The following SCAP variants were observed in gnomAD, a reference collection of about 807,000 sequenced individuals.
SCAP encodes SREBF chaperone.
In SCAP, 65 loss-of-function variants were observed where a neutral mutation model predicts 123.6. That is an observed-to-expected ratio of 0.53 (90% confidence interval 0.43 to 0.65). SCAP has a LOEUF of 0.65. Ranked by LOEUF, SCAP falls within the 30% of genes least tolerant of loss-of-function variation. The probability of loss-of-function intolerance (pLI) is 0.00; values close to 1 mark genes in which losing one functional copy is unlikely to be tolerated. For synonymous variants in SCAP, 740 were observed against 726.3 expected (o/e 1.02, Z -0.30); for missense variants, 1,398 against 1,712.5 (o/e 0.82, Z 3.24).
intron 8 of SCAP, 126 bp from the exon 9 acceptor site, chr3:47,424,171 G>C: frequency 2.9e-6 from 2 of 679,726 alleles, no homozygotes; most frequent in African/African-American, 1.8e-5. Flanking sequence ...ACAGGTGCTG[G>C]GCAGAAACCC....
In SCAP at chr3:47,414,871, C is replaced by G. The variant is rs372311997; in HGVS notation, c.3262G>C (p.Ala1088Pro). The G allele has an allele frequency of 6.2e-7, 1 of 1,611,940 alleles. No individual in the cohort carries two copies. Among genetic ancestry groups the G allele is most frequent in the Admixed American group, 1.7e-5 (1 of 59,894 alleles). ...HQKPITALKA[A>P]AGRLVTGSQD... ...CTCCCAGTCACCAAGCGCCCAGCAG[C>G]GGCTTTCAGGGCTGTGATGGGTTTT... Residue 1088 changes from alanine (A) to proline (P), a missense_variant, in exon 20 of 23, where the codon GCT becomes CCT. By Grantham distance (27) the Ala-to-Pro change is conservative. Transcript: ENST00000265565.
chr3:47,469,437 C>T (rs1576320304), intron 1 of SCAP, among the ~76,000 whole-genome samples: 2 of 152,216 alleles, frequency 1.3e-5, no homozygotes, highest in Non-Finnish European at 2.9e-5. Context: ...TCCTGGCTCA[C>T]TGCAACCTTT....
intron 9 of SCAP, 88 bp from the exon 10 acceptor site, chr3:47,422,624 G>A: frequency 9.1e-7 from 1 of 1,097,480 alleles, no homozygotes; most frequent in Non-Finnish European, 1.3e-6. Context: ...GAGTGGCAGA[G>A]GCATGGCAAG....
rs1410173752 is a variant in SCAP at position 47,418,398 on chromosome 3, C to A, written c.2254G>T (p.Glu752Ter). Residue 752 changes from glutamate (E) to a stop codon, truncating the protein, a stop_gained, in exon 15 of 23, where the codon GAG becomes TAG. Transcript: ENST00000265565. LOFTEE classifies it high-confidence loss of function. ...GGGPGRRRRG[E>*]LPCDDYGYAP... ...TAGCCGTAGTCGTCGCAGGGCAGCTCCCCGCGCCTCCGCCGCCCGGGCCCA... is the reference window on the plus strand; with the variant it reads ...TAGCCGTAGTCGTCGCAGGGCAGCTACCCGCGCCTCCGCCGCCCGGGCCCA... 4 of 1,574,676 alleles carry A rather than the reference C, an allele frequency of 2.5e-6. No individual in the cohort carries two copies. The highest frequency in any genetic ancestry group is 3.4e-6 in the Non-Finnish European group (4 of 1,164,068).
At chr3:47,425,698 C>T (rs1305397870) in intron 7 of SCAP, 87 bp from the exon 8 acceptor site, 6 of 1,455,346 alleles carry the variant, frequency 4.1e-6, no homozygotes, top group Non-Finnish European at 5.7e-6. Flanking sequence ...CCCTGACAGT[C>T]GAGGAAGGGA....
At position 47,430,743 on chromosome 3, in the gene SCAP, T is replaced by C. The variant is rs6804017; in HGVS notation, c.253-2073A>G. ...GGTGACAACTGGAGACAAGGAAACATGGCCCTAGACAGCGGTGTACTGCGA... is the reference window on the plus strand; with the variant it reads ...GGTGACAACTGGAGACAAGGAAACACGGCCCTAGACAGCGGTGTACTGCGA... On this transcript the variant is annotated intron_variant, in intron 3 of 22. Coordinates refer to ENST00000265565, the MANE Select transcript of SCAP (RefSeq NM_012235.4). Among the ~76,000 whole-genome samples, 1,041 of 152,240 alleles carry C rather than the reference T, an allele frequency of 6.8e-3. 12 individuals carry two copies. The highest frequency in any genetic ancestry group is 0.024 in the African/African-American group (980 of 41,554).
At chr3:47,431,135 T>G (rs1706338492) in intron 3 of SCAP, among the ~76,000 whole-genome samples, 1 of 150,838 alleles carries the variant, frequency 6.6e-6, no homozygotes, top group African/African-American at 2.4e-5. Context: ...GGCACCTGGA[T>G]GGAGCTGGCT....
chr3:47,422,465 A>T lies in SCAP; in HGVS notation c.1222T>A (p.Phe408Ile). 6.2e-7 allele frequency: 1 copy of T among 1,613,702 alleles called. No homozygotes were observed. Among genetic ancestry groups the T allele is most frequent in the Non-Finnish European group, 8.5e-7 (1 of 1,179,850 alleles). The change falls in exon 10 of 23, where the codon TTC becomes ATC. Residue 408 changes from phenylalanine to isoleucine, a missense_variant. Coordinates refer to ENST00000265565, the MANE Select transcript of SCAP (RefSeq NM_012235.4). Reference protein sequence around the residue: ...TELGIILIGYFTLVPAIQEFC... With the variant: ...TELGIILIGYITLVPAIQEFC... ...ACCTGGATGGCGGGCACTAGGGTGA[A>T]GTAGCCGATGAGGATGATGCCCAGC...
In SCAP at chr3:47,417,387, C is replaced by G; in HGVS notation, c.2887G>C (p.Ala963Pro). 1 of 1,599,224 alleles carries G rather than the reference C, an allele frequency of 6.3e-7. No individual in the cohort carries two copies. The highest frequency in any genetic ancestry group is 1.3e-5 in the African/African-American group (1 of 74,588). The part of the protein sequence containing the change: ...PEKGSPSLAW[A>P]PSAEGSIWSL... ...CAGATGGAACCCTCGGCACTGGGGG[C>G]CCAGGCGAGGGAAGGGGAGCCTTTC... Residue 963 changes from alanine (A) to proline (P), a missense_variant, in exon 17 of 23, where the codon GCC (alanine) becomes CCC (proline). Transcript: ENST00000265565.
At chr3:47,470,958 T>A (rs1708004844) in intron 1 of SCAP, among the ~76,000 whole-genome samples, 1 of 151,696 alleles carries the variant, frequency 6.6e-6, no homozygotes, top group South Asian at 2.1e-4. Context: ...AATAAACTTC[T>A]CCCCCCAAAA....
chr3:47,464,598 G>A (rs1186115809), intron 1 of SCAP, among the ~76,000 whole-genome samples: 1 of 152,106 alleles, frequency 6.6e-6, no homozygotes, highest in East Asian at 1.9e-4. Context: ...AGGAATAGAA[G>A]GCAATATCCT....
At chr3:47,444,987 G>A (rs1706973235) in intron 1 of SCAP, among the ~76,000 whole-genome samples, 1 of 151,368 alleles carries the variant, frequency 6.6e-6, no homozygotes, top group South Asian at 2.1e-4. Context: ...GGCCAGGCTG[G>A]TCTCAAACTC....
In SCAP at chr3:47,415,006, G is replaced by T. The variant is rs755478172; in HGVS notation, c.3140-13C>A. 6.3e-7 allele frequency: 1 copy of T among 1,581,450 alleles called. No homozygotes were observed. The highest frequency in any genetic ancestry group is 8.6e-7 in the Non-Finnish European group (1 of 1,164,764). On this transcript the variant is annotated splice_polypyrimidine_tract_variant and intron_variant, in intron 19 of 22. Transcript: ENST00000265565. Reference sequence around the variant, plus strand: ...CGCCCTGGGGTCCCTGAGGACAAAAGGCCAAGTGAAGAATCTCTGAGAAAG... The same window carrying T: ...CGCCCTGGGGTCCCTGAGGACAAAATGCCAAGTGAAGAATCTCTGAGAAAG...
At chr3:47,429,231 G>A (rs1252470108) in intron 3 of SCAP, among the ~76,000 whole-genome samples, 1 of 152,210 alleles carries the variant, frequency 6.6e-6, no homozygotes, top group Admixed American at 6.5e-5. Flanking sequence ...CCAAATCCTG[G>A]TGTCACAGTA....
At position 47,418,693 on chromosome 3, in the gene SCAP, T is replaced by C. The variant is rs369991877; in HGVS notation, c.2091A>G (p.Pro697=). ...AGHWEAGPKG[P]GGVQAHGDVT... Reference sequence around the variant, plus strand: ...CGTCTCCATGGGCCTGCACCCCACCTGGGCCCTTGGGTCCTGCTTCCCAGT... The same window carrying C: ...CGTCTCCATGGGCCTGCACCCCACCCGGGCCCTTGGGTCCTGCTTCCCAGT... Residue 697 remains proline (P), a synonymous_variant, in exon 14 of 23, where the codon CCA becomes CCG. Coordinates refer to ENST00000265565, the MANE Select transcript of SCAP (RefSeq NM_012235.4). 1 of 1,360,284 alleles carries C rather than the reference T, an allele frequency of 7.4e-7. No individual in the cohort carries two copies. 84.3% of individuals were successfully genotyped at this position (1,360,284 alleles called of 1,614,324 possible).
chr3:47,416,933 A>T (rs1178693076), intron 18 of SCAP, among the ~76,000 whole-genome samples, 189 bp downstream of exon 18: 2 of 151,934 alleles, frequency 1.3e-5, no homozygotes, highest in African/African-American at 4.8e-5. Context: ...GCCACCCCTA[A>T]CGCTTTTAAT....
chr3:47,427,298 T>C (rs767035759), intron 5 of SCAP, 36 bp from the exon 6 acceptor site: 1 of 1,576,598 alleles, frequency 6.3e-7, no homozygotes, highest in Non-Finnish European at 8.7e-7. Context: ...GACACAGAAA[T>C]GACAGCTACT....
intron 1 of SCAP, among the ~76,000 whole-genome samples, chr3:47,470,182 T>C (rs529807337): frequency 1.3e-5 from 2 of 152,336 alleles, no homozygotes; most frequent in South Asian, 4.1e-4. Flanking sequence ...TAAGAGAACT[T>C]GTTTTTTACC....
intron 3 of SCAP, among the ~76,000 whole-genome samples, chr3:47,434,169 G>A (rs1212123593): frequency 6.6e-5 from 10 of 152,172 alleles, no homozygotes; most frequent in Non-Finnish European, 1.0e-4. Flanking sequence ...TGACTACTAC[G>A]TTAACCAAAA....
Sources: gnomAD v4.1 joint callset for allele counts (sites outside exome capture counted in the v4.1 genomes callset) on GRCh38, gnomAD v4.1.1 for gene constraint, MANE v1.5 for transcripts, NCBI Gene and HGNC (gene_info 2026-07-23, HGNC 2026-07-21) for gene names.